The following DPP7 variants were observed in gnomAD, a reference collection of about 807,000 sequenced individuals.
DPP7 encodes the protein dipeptidyl peptidase 7.
DPP7 carries 74 observed loss-of-function variants against 58.8 expected under a neutral mutation model. The ratio of observed to expected loss-of-function variants is 1.26; its 90% CI spans 1.04 to 1.53. The LOEUF (loss-of-function observed/expected upper bound fraction) is 1.53. Among genes scored for constraint, DPP7 ranks in the 40% most tolerant of loss-of-function variants. The pLI, the probability that DPP7 is intolerant of heterozygous loss-of-function variation, is 0.00. For missense variants in DPP7, 807 were observed against 692.3 expected (o/e 1.17, Z -1.86); for synonymous variants, 350 against 303.6 (o/e 1.15, Z -1.59).
chr9:137,110,939 G>A lies in DPP7; in HGVS notation c.1284C>T (p.Asn428=). 1.2e-6 allele frequency: 2 copies of A among 1,613,108 alleles called. No homozygotes were observed. The highest frequency in any genetic ancestry group is 1.7e-6 in the Non-Finnish European group (2 of 1,179,898). The change falls in exon 12 of 13, where the codon AAC becomes AAT. Residue 428 remains asparagine, a synonymous_variant. Transcript: ENST00000371579. ...DPWAGGGIRR[N]LSASVIAVTI... is the part of the protein sequence containing the mutation. The stretch of plus-strand genomic sequence containing the variant: ...TGACGGCGATGACTGAGGCACTCAG[G>A]TTCCTCCGAATCTGTGGTCAGTGGA...
At chr9:137,111,449 G>A (rs567833135) in intron 11 of DPP7, among the ~76,000 whole-genome samples, 2 of 152,326 alleles carry the variant, frequency 1.3e-5, no homozygotes, top group East Asian at 3.9e-4. Flanking sequence ...CCAAGAGTTC[G>A]AGACCAGCCT....
In DPP7 at chr9:137,113,354, C is replaced by T; in HGVS notation, c.621+7G>A. 1.2e-6 allele frequency: 2 copies of T among 1,612,020 alleles called. No individual in the cohort carries two copies. The highest frequency in any genetic ancestry group is 1.7e-6 in the Non-Finnish European group (2 of 1,179,058). ...AGGGGGCCTGGAGGACCCCAAGCCT[C>T]ACTCACCGCCGTGACGTCCCGGAAG... On this transcript the variant is annotated splice_region_variant and intron_variant, in intron 5 of 12. Transcript: ENST00000371579.
intron 11 of DPP7, among the ~76,000 whole-genome samples, chr9:137,111,355 G>C (rs1264381945): frequency 6.8e-6 from 1 of 146,690 alleles, no homozygotes; most frequent in East Asian, 2.0e-4. Flanking sequence ...GCACTCTGGG[G>C]GTGAGACGGG....
At chr9:137,114,801 G>C, upstream of DPP7, 1 of 936,846 alleles carries the variant, frequency 1.1e-6, no homozygotes, top group Non-Finnish European at 1.4e-6. Context: ...TGTTTCGGGC[G>C]CCCGCGGTCC....
At position 137,113,755 on chromosome 9, in the gene DPP7, G is replaced by A. The variant is rs1007662357; in HGVS notation, c.485+110C>T. 1.9e-5 allele frequency: 26 copies of A among 1,402,990 alleles called. No homozygotes were observed. In the African/African-American group the frequency reaches 2.5e-4, roughly 13 times the overall value. The allele number at this position is 1,402,990 out of a possible 1,614,324, so 86.9% of individuals were successfully genotyped here. ...ACTAAGCCTGGAACCACTGCCTGAG[G>A]CCTTACGAAAAGGCAGCGGTGGGAG... On this transcript the variant is annotated intron_variant, in intron 4 of 12. Transcript: ENST00000371579.
Position 137,111,918 on chromosome 9 carries a change from C to A in DPP7, c.1162G>T (p.Val388Leu), listed in dbSNP as rs544946432. The change falls in exon 10 of 13, where the codon GTG becomes TTG. Residue 388 changes from valine to leucine, a missense_variant. By Grantham distance (32) the Val-to-Leu change is conservative (BLOSUM62 1). This residue lies in a region of DPP7 where 624 missense variants were observed against 531.2 expected (regional missense o/e 1.17). Coordinates refer to ENST00000371579, the MANE Select transcript of DPP7 (RefSeq NM_013379.3). ...AGCAGCCAGTCGGGCCGGGGCCACA[C>A]GCCCCAGGTGTCCAGGCAGTACCGC... ...RQRYCLDTWG[V>L]WPRPDWLLTS... is the part of the protein sequence containing the mutation. The A allele has an allele frequency of 1.2e-6, 2 of 1,613,104 alleles. No homozygotes were observed. Among genetic ancestry groups the A allele is most frequent in the African/African-American group, 2.7e-5 (2 of 74,836 alleles).
upstream of DPP7, chr9:137,114,907 G>A (rs1345992248): frequency 2.8e-6 from 1 of 358,828 alleles, no homozygotes; most frequent in Non-Finnish European, 4.9e-6. Flanking sequence ...TCCCGGGCAC[G>A]GCGCGGGGAA....
Position 137,113,259 on chromosome 9 carries a change from G to T in DPP7, c.650C>A (p.Thr217Asn). 4 of 1,613,806 alleles carry T rather than the reference G, an allele frequency of 2.5e-6. No homozygotes were observed. Among genetic ancestry groups the T allele is most frequent in the Non-Finnish European group, 3.4e-6 (4 of 1,179,960 alleles). Residue 217 changes from threonine (T) to asparagine (N), a missense_variant, in exon 6 of 13, where the codon ACC becomes AAC. This residue lies in a region of DPP7 where 624 missense variants were observed against 531.2 expected (regional missense o/e 1.17). Coordinates refer to ENST00000371579, the MANE Select transcript of DPP7 (RefSeq NM_013379.3). ...TCGGAACGCTTCCCGCACACCCTGG[G>T]TGCATTTGGGACTCTGGCCCTCAAA... ...ADFEGQSPKC[T>N]QGVREAFRQI...
Position 137,113,873 on chromosome 9 carries a change from G to T in DPP7, c.477C>A (p.Phe159Leu). ...LGAQDAPAIA[F>L]GGSYGGMLSA... ...CCGGGGGAGGCGCCCACCTTCCACC[G>T]AAGGCGATGGCGGGGGCATCCTGGG... Residue 159 changes from phenylalanine (F) to leucine (L), a missense_variant, in exon 4 of 13, where the codon TTC becomes TTA. This residue lies in a region of DPP7 where 624 missense variants were observed against 531.2 expected (regional missense o/e 1.17). Coordinates refer to ENST00000371579, the MANE Select transcript of DPP7 (RefSeq NM_013379.3). 6.5e-7 allele frequency: 1 copy of T among 1,546,866 alleles called. No homozygotes were observed. Among genetic ancestry groups the T allele is most frequent in the Non-Finnish European group, 8.7e-7 (1 of 1,151,660 alleles).
At position 137,114,451 on chromosome 9, in the gene DPP7, CCGGGGT is replaced by C. The variant is rs762370330; in HGVS notation, c.181+6_181+11del. 2.8e-4 allele frequency: 440 copies of C among 1,559,252 alleles called. 3 individuals carry two copies. In the African/African-American group the frequency reaches 5.3e-3, roughly 19 times the overall value. On this transcript the variant is annotated splice_donor_region_variant and intron_variant, in intron 2 of 12. Transcript: ENST00000371579. ...GACGGCGGGGGCGGCCGGGCCGGGG[CCGGGGT>C]CTCACCCGACACCAGGAAGCGCTGA...
chr9:137,115,635 C>T (rs1588670534), upstream of DPP7, among the ~76,000 whole-genome samples: 1 of 152,152 alleles, frequency 6.6e-6, no homozygotes, highest in East Asian at 1.9e-4. Context: ...CTGTGTGGGG[C>T]TGAGCGGAGA....
At chr9:137,114,855 C>G (rs1033067699), upstream of DPP7, 3 of 497,850 alleles carry the variant, frequency 6.0e-6, no homozygotes, top group Non-Finnish European at 9.2e-6. Flanking sequence ...GGGGCTGTGC[C>G]CCCCAACACC....
At position 137,114,355 on chromosome 9, in the gene DPP7, G is replaced by A; in HGVS notation, c.209C>T (p.Pro70Leu). ...CTCGTTCCCAGTGTAGAAGAAGATG[G>A]GCCCCTCGCCCCGGACCCAGAACCT... The part of the protein sequence containing the change: ...SDRFWVRGEG[P>L]IFFYTGNEGD... Residue 70 changes from proline (P) to leucine (L), a missense_variant, in exon 3 of 13, where the codon CCC (proline) becomes CTC (leucine). This residue lies in a region of DPP7 where 168 missense variants were observed against 124.1 expected (regional missense o/e 1.35). Coordinates refer to ENST00000371579, the MANE Select transcript of DPP7 (RefSeq NM_013379.3). 1 of 1,605,272 alleles carries A rather than the reference G, an allele frequency of 6.2e-7. No homozygotes were observed. Among genetic ancestry groups the A allele is most frequent in the Non-Finnish European group, 8.5e-7 (1 of 1,176,862 alleles).
chr9:137,114,861 A>C, upstream of DPP7: 1 of 479,274 alleles, frequency 2.1e-6, no homozygotes, highest in Non-Finnish European at 3.2e-6. Context: ...GTGCCCCCCA[A>C]CACCCCGCGC....
chr9:137,114,859 C>A, upstream of DPP7: 1 of 490,388 alleles, frequency 2.0e-6, no homozygotes, highest in African/African-American at 2.0e-5. Flanking sequence ...CTGTGCCCCC[C>A]AACACCCCGC....
upstream of DPP7, among the ~76,000 whole-genome samples, chr9:137,117,376 A>AC (rs1379864179): frequency 1.3e-5 from 2 of 152,078 alleles, no homozygotes; most frequent in African/African-American, 2.4e-5. Flanking sequence ...CTGTGCAGAC[A>AC]CCCCCGATCT....
Position 137,113,423 on chromosome 9 carries a change from C to T in DPP7, c.559G>A (p.Ala187Thr), listed in dbSNP as rs770087794. 69 of 1,606,568 alleles carry T rather than the reference C, an allele frequency of 4.3e-5. No homozygotes were observed. The South Asian group carries it at 5.4e-4, about 13-fold the overall frequency. Residue 187 changes from alanine to threonine, a missense_variant, in exon 5 of 13, where the codon GCG becomes ACG. Ala to Thr is a moderately conservative substitution (Grantham distance 58). Around this residue, in one of 3 missense-constraint regions of DPP7, gnomAD observed 624 missense variants for 531.2 expected, o/e 1.17. Transcript: ENST00000371579. Reference protein sequence around the residue: ...HLVAGALAASAPVLAVAGLGD... With the variant: ...HLVAGALAASTPVLAVAGLGD... ...AGGCCTGCCACAGCTAGAACGGGCG[C>T]GCTGGCCGCCAGCGCCCCCGCCACC...
At chr9:137,116,110 G>A (rs980337730), upstream of DPP7, among the ~76,000 whole-genome samples, 6 of 152,188 alleles carry the variant, frequency 3.9e-5, no homozygotes, top group African/African-American at 1.4e-4. Context: ...TGGGCCCACA[G>A]AGGGGCCAGA....
intron 3 of DPP7, 30 bp downstream of exon 3, chr9:137,114,213 A>AC (rs540041414): frequency 0.083 from 37,408 of 450,156 alleles, 13,053 homozygotes; most frequent in African/African-American, 0.66. Flanking sequence ...GTGCCCCGCG[A>AC]CCCCGCCCGC....
Sources: allele counts gnomAD v4.1 joint callset (sites outside exome capture counted in the v4.1 genomes callset), GRCh38; gene constraint gnomAD v4.1.1; regional missense constraint gnomAD v4.1.1; transcripts MANE v1.5; gene names NCBI Gene and HGNC (gene_info 2026-07-23, HGNC 2026-07-21).